Variants in BMP7 observed in about 807,000 individuals in gnomAD.
The protein encoded by BMP7 is osteogenic protein 1.
Under a neutral mutation model 41.2 loss-of-function variants are expected in BMP7, and 12 were observed. The observed-to-expected ratio is 0.29, with a 90% CI of 0.19 to 0.47. The LOEUF is 0.47. Among genes scored for constraint, BMP7 ranks in the 20% least tolerant of loss-of-function variants. BMP7 has a pLI of 0.99. For synonymous variants in BMP7, 248 were observed against 250.0 expected, an observed-to-expected ratio of 0.99 and a Z score of 0.07; for missense variants, 467 against 606.0, an observed-to-expected ratio of 0.77 and a Z score of 2.41.
At chr20:57,252,317 G>T (rs1024409544) in intron 1 of BMP7, among the ~76,000 whole-genome samples, 1 of 152,186 alleles carries the variant, frequency 6.6e-6, no homozygotes, top group Non-Finnish European at 1.5e-5. Flanking sequence ...GAGTTGGCCC[G>T]CGGGCTGGGG....
intron 2 of BMP7, among the ~76,000 whole-genome samples, chr20:57,209,239 TTATATATTTTTATA>T (rs1434334683): frequency 0.024 from 1,520 of 63,452 alleles, 33 homozygotes; most frequent in African/African-American, 0.067. Flanking sequence ...ATACCTAGAT[TTATATATTTTTATA>T]TATATATATA....
At chr20:57,180,469 G>A (rs1984054629) in intron 4 of BMP7, among the ~76,000 whole-genome samples, 1 of 152,140 alleles carries the variant, frequency 6.6e-6, no homozygotes, top group South Asian at 2.1e-4. Flanking sequence ...GCCACGAAAT[G>A]TTGTCTGCAG....
chr20:57,253,033 G>A (rs151129354), intron 1 of BMP7, among the ~76,000 whole-genome samples: 19 of 152,238 alleles, frequency 1.2e-4, no homozygotes, highest in Middle Eastern at 3.4e-3. Flanking sequence ...CACACTAAAC[G>A]TACTAAAAAG....
At chr20:57,199,796 C>T (rs540417320) in intron 3 of BMP7, among the ~76,000 whole-genome samples, 4 of 152,218 alleles carry the variant, frequency 2.6e-5, no homozygotes, top group African/African-American at 9.6e-5. Context: ...GATCCTCCCC[C>T]GACTTGGGCA....
chr20:57,227,930 T>G (rs2066013725), intron 2 of BMP7, among the ~76,000 whole-genome samples: 1 of 152,168 alleles, frequency 6.6e-6, no homozygotes, highest in Non-Finnish European at 1.5e-5. Flanking sequence ...AAAATGTTTC[T>G]TCCCCTTCCC....
intron 1 of BMP7, among the ~76,000 whole-genome samples, chr20:57,260,452 C>A (rs2146032726): frequency 6.6e-6 from 1 of 152,278 alleles, no homozygotes; most frequent in South Asian, 2.1e-4. Flanking sequence ...TGGGATCCAT[C>A]AAGTTGGAGC....
chr20:57,202,753 G>T, intron 2 of BMP7, 130 bp from the exon 3 acceptor site: 1 of 1,162,568 alleles, frequency 8.6e-7, no homozygotes, highest in Non-Finnish European at 1.2e-6. Context: ...CGACAAGTGG[G>T]AACATCAGAC....
intron 1 of BMP7, among the ~76,000 whole-genome samples, chr20:57,254,017 C>CTTTTTTTTTTTTTTTTT (rs35180643): frequency 5.6e-5 from 4 of 71,532 alleles, no homozygotes; most frequent in Admixed American, 2.2e-4. Context: ...GGTTTCTTTC[C>CTTTTTTTTTTTTTTTTT]TTTTTTTTTT....
chr20:57,258,589 G>T (rs143773898), intron 1 of BMP7, among the ~76,000 whole-genome samples: 2 of 152,346 alleles, frequency 1.3e-5, no homozygotes, highest in Admixed American at 6.5e-5. Flanking sequence ...ACTACAGAGA[G>T]TTCCGGTATA....
At chr20:57,216,549 CGAGGGGCTGTCTCCTGAGGGT>C (rs1568718168) in intron 2 of BMP7, among the ~76,000 whole-genome samples, 411 of 142,866 alleles carry the variant, frequency 2.9e-3, no homozygotes, top group African/African-American at 9.0e-3. Context: ...CTCCTGAGGG[CGAGGGGCTGTCTCCTGAGGGT>C]GAGGGGCTGT....
chr20:57,184,195 G>C lies in BMP7; in HGVS notation c.761-276C>G, dbSNP rs544533462. 1.1e-4 allele frequency among the ~76,000 whole-genome samples: 17 copies of C among 152,292 alleles called. No homozygotes were observed. The South Asian group carries it at 3.5e-3, about 32-fold the overall frequency. ...AAGGGGTGGGGAACCAGGCTGAGGGGTGCGGAAGGTGGCAAGCTAGCGAAC... is the reference window on the plus strand; with the variant it reads ...AAGGGGTGGGGAACCAGGCTGAGGGCTGCGGAAGGTGGCAAGCTAGCGAAC... On this transcript the variant is annotated intron_variant, in intron 3 of 6. Transcript: ENST00000395863.
chr20:57,172,660 C>G (rs1422302655), intron 6 of BMP7, among the ~76,000 whole-genome samples: 1 of 152,194 alleles, frequency 6.6e-6, no homozygotes, highest in Admixed American at 6.5e-5. Context: ...GTTGGCAGAG[C>G]AGGAATAACA....
In BMP7 at chr20:57,227,752, C is replaced by T. The variant is rs1012758973; in HGVS notation, c.611+477G>A. Among the ~76,000 whole-genome samples the T allele has an allele frequency of 5.3e-5, 8 of 152,186 alleles. No individual in the cohort carries two copies. The South Asian group carries it at 1.7e-3, about 32-fold the overall frequency. On this transcript the variant is annotated intron_variant, in intron 2 of 6. Transcript: ENST00000395863. ...ATAAATTAAAGACTTTCAACACAAA[C>T]GTTTGGTTTCTGACCTAGTGATTCT... is the stretch of plus-strand genomic sequence containing the variant.
rs1984146844 is a variant in BMP7, at chr20:57,183,841, A to G, written c.839T>C (p.Phe280Ser). The change falls in exon 4 of 7, where the codon TTC becomes TCC. Residue 280 changes from phenylalanine (F) to serine (S), a missense_variant. Phe to Ser is a radical substitution (Grantham distance 155). Coordinates refer to ENST00000395863, the MANE Select transcript of BMP7 (RefSeq NM_001719.3). ...PQNKQPFMVAFFKATEVHFRS... is the reference protein window; with the variant it reads ...PQNKQPFMVASFKATEVHFRS... ...GAAGTGGACCTCCGTGGCCTTGAAG[A>G]AAGCCACCATGAAGGGCTGCTTGTT... The G allele has an allele frequency of 1.2e-6, 2 of 1,614,032 alleles. No individual in the cohort carries two copies. Among genetic ancestry groups the G allele is most frequent in the Non-Finnish European group, 1.7e-6 (2 of 1,180,052 alleles).
chr20:57,191,182 G>A (rs12479955), intron 3 of BMP7, among the ~76,000 whole-genome samples: 61,876 of 152,022 alleles, frequency 0.41, 14,641 homozygotes, highest in South Asian at 0.56. Context: ...AGAGATTAAT[G>A]AACTTAGAAG....
chr20:57,222,608 G>A (rs1425859248), intron 2 of BMP7, among the ~76,000 whole-genome samples: 1 of 152,108 alleles, frequency 6.6e-6, no homozygotes, highest in Non-Finnish European at 1.5e-5. Context: ...GCTCCTTGAT[G>A]AGGGCTGCTC....
chr20:57,202,332 G>C, intron 3 of BMP7, 143 bp downstream of exon 3: 2 of 1,162,026 alleles, frequency 1.7e-6, no homozygotes, highest in East Asian at 5.1e-5. Flanking sequence ...CTTCTGGTTT[G>C]GATCAAAAGG....
At chr20:57,256,632 C>T (rs2066135231) in intron 1 of BMP7, among the ~76,000 whole-genome samples, 1 of 152,116 alleles carries the variant, frequency 6.6e-6, no homozygotes, top group African/African-American at 2.4e-5. Flanking sequence ...CTTTGGGAGG[C>T]CAAGGCGGGT....
chr20:57,258,013 G>A (rs998602186), intron 1 of BMP7, among the ~76,000 whole-genome samples: 7 of 152,062 alleles, frequency 4.6e-5, no homozygotes, highest in Non-Finnish European at 1.5e-5. Context: ...TAAACCCAAT[G>A]CTTAGAAACA....
Sources: allele counts gnomAD v4.1 joint callset (sites outside exome capture counted in the v4.1 genomes callset), GRCh38; gene constraint gnomAD v4.1.1; transcripts MANE v1.5; gene names NCBI Gene and HGNC (gene_info 2026-07-23, HGNC 2026-07-21).